Variants in CAMKMT observed in about 807,000 individuals in gnomAD.
CAMKMT encodes CaM KMT.
CAMKMT carries 53 observed loss-of-function variants against 48.0 expected under a neutral mutation model. The ratio of observed to expected loss-of-function variants is 1.10; its 90% CI spans 0.89 to 1.39. The LOEUF is 1.39. Ranked by LOEUF, CAMKMT falls within the 40% of genes most tolerant of loss-of-function variation. CAMKMT has a pLI of 0.00. For missense variants in CAMKMT, 428 were observed against 402.7 expected, an observed-to-expected ratio of 1.06 and a Z score of -0.54; for synonymous variants, 165 against 152.3, an observed-to-expected ratio of 1.08 and a Z score of -0.61.
chr2:44,477,854 G>A (rs990045116), intron 3 of CAMKMT, among the ~76,000 whole-genome samples: 11 of 152,182 alleles, frequency 7.2e-5, no homozygotes, highest in Non-Finnish European at 1.5e-4. Flanking sequence ...GCTAAGCTTG[G>A]TCACAGGTGA....
chr2:44,630,553 A>T (rs1672753205), intron 3 of CAMKMT, among the ~76,000 whole-genome samples: 1 of 151,644 alleles, frequency 6.6e-6, no homozygotes, highest in Non-Finnish European at 1.5e-5. Context: ...TTTACAAGGA[A>T]AAAACAAACA....
At chr2:44,733,903 T>C (rs1573193839) in intron 7 of CAMKMT, among the ~76,000 whole-genome samples, 1 of 152,270 alleles carries the variant, frequency 6.6e-6, no homozygotes, top group East Asian at 1.9e-4. Flanking sequence ...TTATGGACTC[T>C]GTATTGATGG....
chr2:44,751,402 G>T (rs1245437879), intron 8 of CAMKMT, among the ~76,000 whole-genome samples: 1 of 152,186 alleles, frequency 6.6e-6, no homozygotes, highest in Admixed American at 6.5e-5. Flanking sequence ...TAGTAGCTGT[G>T]TGACTCCAAA....
At chr2:44,690,466 T>G (rs763382924) in intron 3 of CAMKMT, among the ~76,000 whole-genome samples, 2 of 152,226 alleles carry the variant, frequency 1.3e-5, no homozygotes, top group Non-Finnish European at 2.9e-5. Context: ...GATGAGAGAC[T>G]GGGCTCTAGA....
At chr2:44,728,109 A>G (rs1678887796) in intron 7 of CAMKMT, among the ~76,000 whole-genome samples, 1 of 151,892 alleles carries the variant, frequency 6.6e-6, no homozygotes, top group Non-Finnish European at 1.5e-5. Context: ...TATTTTTTGT[A>G]GAGACAGGGT....
intron 3 of CAMKMT, among the ~76,000 whole-genome samples, chr2:44,557,041 C>G (rs149584913): frequency 4.5e-4 from 68 of 152,332 alleles, no homozygotes; most frequent in African/African-American, 1.6e-3. Context: ...TTTACTTTCA[C>G]CTATGTGGTT....
rs565490596 is a variant in CAMKMT at position 44,657,439 on chromosome 2, A to G, written c.377-46844A>G. 6.6e-5 allele frequency among the ~76,000 whole-genome samples: 10 copies of G among 152,320 alleles called. No individual in the cohort carries two copies. The East Asian group carries it at 1.5e-3, about 23-fold the overall frequency. On this transcript the variant is annotated intron_variant, in intron 3 of 10. Coordinates refer to ENST00000378494, the MANE Select transcript of CAMKMT (RefSeq NM_024766.5). This position sits in a 1 kb window ranked among gnomAD's most constrained non-coding sequence, Gnocchi z 4.3. ...TCAGAATGACTCTTCCACCCTCCCTATGAAAGGATTGGCAGATCAGAAATT... is the reference window on the plus strand; with the variant it reads ...TCAGAATGACTCTTCCACCCTCCCTGTGAAAGGATTGGCAGATCAGAAATT...
intron 3 of CAMKMT, among the ~76,000 whole-genome samples, chr2:44,490,387 T>G (rs1056455348): frequency 2.7e-4 from 41 of 152,176 alleles, no homozygotes; most frequent in Non-Finnish European, 2.9e-5. Context: ...GTGATTCTCC[T>G]GCCTCAGCCT....
intron 3 of CAMKMT, among the ~76,000 whole-genome samples, chr2:44,690,198 T>C (rs909432340): frequency 6.6e-6 from 1 of 152,250 alleles, no homozygotes; most frequent in South Asian, 2.1e-4. Flanking sequence ...TTCTTTAAAA[T>C]GTCACAGGCT....
chr2:44,637,435 G>A lies in CAMKMT; in HGVS notation c.377-66848G>A, dbSNP rs545417401. Among the ~76,000 whole-genome samples the A allele has an allele frequency of 2.0e-5, 3 of 152,198 alleles. No individual in the cohort carries two copies. In the South Asian group the frequency reaches 6.2e-4, roughly 32 times the overall value. On this transcript the variant is annotated intron_variant, in intron 3 of 10. Coordinates refer to ENST00000378494, the MANE Select transcript of CAMKMT (RefSeq NM_024766.5). ...TTTTATTATCCATTTTTTAAAGTCA[G>A]ACTTTTCCCCAATGTTAGTTTAGTT...
intron 3 of CAMKMT, among the ~76,000 whole-genome samples, chr2:44,675,028 C>T (rs768059494): frequency 4.6e-5 from 7 of 151,664 alleles, no homozygotes; most frequent in Non-Finnish European, 7.4e-5. Context: ...TCACTCTCCA[C>T]GAATTTCTTC....
intron 3 of CAMKMT, among the ~76,000 whole-genome samples, chr2:44,630,351 C>G (rs1398048525): frequency 6.6e-6 from 1 of 152,126 alleles, no homozygotes; most frequent in African/African-American, 2.4e-5. Context: ...GACTTCATGT[C>G]TAAAACACCA....
At chr2:44,736,262 T>G (rs867085122) in intron 7 of CAMKMT, among the ~76,000 whole-genome samples, 1 of 152,238 alleles carries the variant, frequency 6.6e-6, no homozygotes, top group East Asian at 1.9e-4. Flanking sequence ...CACCTTGTTT[T>G]GAAATATATT....
intron 3 of CAMKMT, among the ~76,000 whole-genome samples, chr2:44,493,296 A>G (rs958782285): frequency 6.6e-6 from 1 of 152,294 alleles, no homozygotes; most frequent in African/African-American, 2.4e-5. Context: ...CACCTGTGCC[A>G]GGTACCTGAG....
intron 7 of CAMKMT, among the ~76,000 whole-genome samples, chr2:44,729,317 G>A (rs1188635981): frequency 1.3e-5 from 2 of 152,074 alleles, no homozygotes; most frequent in East Asian, 3.8e-4. Flanking sequence ...ACATAACTAC[G>A]GGAATTGGAA....
At chr2:44,369,991 C>G (rs964394856) in intron 1 of CAMKMT, 5 of 152,302 alleles carry the variant, frequency 3.3e-5, no homozygotes, top group African/African-American at 1.2e-4. Context: ...AGCTTTCCAA[C>G]TCTATAAAAT....
At chr2:44,410,395 C>A (rs1054592163) in intron 3 of CAMKMT, among the ~76,000 whole-genome samples, 1 of 148,690 alleles carries the variant, frequency 6.7e-6, no homozygotes, top group Admixed American at 6.8e-5. Flanking sequence ...GTAGCTGGGA[C>A]TACAGGTGCC....
chr2:44,541,851 C>T (rs764784106), intron 3 of CAMKMT, among the ~76,000 whole-genome samples: 18 of 151,930 alleles, frequency 1.2e-4, no homozygotes, highest in South Asian at 2.1e-4. Flanking sequence ...CCATATCGGC[C>T]GGGCACGATG....
intron 8 of CAMKMT, among the ~76,000 whole-genome samples, chr2:44,752,842 T>C (rs1230322646): frequency 2.0e-5 from 3 of 152,166 alleles, no homozygotes; most frequent in South Asian, 2.1e-4. Context: ...TACTGTTGCA[T>C]TGGGGATTAA....
Sources: allele counts gnomAD v4.1 joint callset (sites outside exome capture counted in the v4.1 genomes callset), GRCh38; gene constraint gnomAD v4.1.1; non-coding constraint Gnocchi (gnomAD v3.1); transcripts MANE v1.5; gene names NCBI Gene and HGNC (gene_info 2026-07-23, HGNC 2026-07-21).